OTOGL: variants seen among roughly 807,000 people sequenced by gnomAD.
OTOGL encodes the protein otogelin like, also known as otogelin-like protein.
OTOGL carries 285 observed loss-of-function variants against 318.5 expected under a neutral mutation model. That is an observed-to-expected ratio of 0.89 (90% CI 0.81 to 0.99). The LOEUF is 0.99. Among genes scored for constraint, OTOGL ranks in the 50% least tolerant of loss-of-function variants. The probability of loss-of-function intolerance (pLI) is 0.00; values close to 1 mark genes in which losing one functional copy is unlikely to be tolerated. For synonymous variants in OTOGL, 987 were observed against 936.5 expected, an observed-to-expected ratio of 1.05 and a Z score of -0.99; for missense variants, 2,899 against 2,845.6, an observed-to-expected ratio of 1.02 and a Z score of -0.43.
At chr12:80,205,588 A>G (rs1565899035) in intron 1 of OTOGL, among the ~76,000 whole-genome samples, 1 of 152,234 alleles carries the variant, frequency 6.6e-6, no homozygotes, top group Non-Finnish European at 1.5e-5. Context: ...TTGTAATAAG[A>G]CAGTTACATT....
Position 80,336,575 on chromosome 12 carries a change from T to C in OTOGL, c.4743+20T>C, listed in dbSNP as rs1363588667. On this transcript the variant is annotated intron_variant, in intron 40 of 58. Coordinates refer to ENST00000547103, the MANE Select transcript of OTOGL (RefSeq NM_001378609.3). ...AATCAGGTGGGTCATAATTTATTTT[T>C]GCAGTCATTTCATCATAAATCTATA... The C allele has an allele frequency of 6.3e-7, 1 of 1,594,282 alleles. No individual in the cohort carries two copies. Among genetic ancestry groups the C allele is most frequent in the Non-Finnish European group, 8.6e-7 (1 of 1,166,750 alleles).
At chr12:80,219,340 G>A (rs1365087608) in intron 5 of OTOGL, among the ~76,000 whole-genome samples, 2 of 152,194 alleles carry the variant, frequency 1.3e-5, no homozygotes, top group African/African-American at 2.4e-5. Context: ...TCGAACTCCT[G>A]ACCTCAAATG....
At chr12:80,186,720 G>T (rs1875319067) in intron 1 of OTOGL, among the ~76,000 whole-genome samples, 1 of 151,880 alleles carries the variant, frequency 6.6e-6, no homozygotes, top group Non-Finnish European at 1.5e-5. Context: ...GTTTGGGGAG[G>T]TCTTATTAAT....
chr12:80,167,874 T>G (rs1160522875), intron 1 of OTOGL, among the ~76,000 whole-genome samples: 1 of 152,066 alleles, frequency 6.6e-6, no homozygotes, highest in Non-Finnish European at 1.5e-5. Flanking sequence ...TACACTCTAG[T>G]CACTTGAGAA....
intron 7 of OTOGL, 141 bp downstream of exon 7, chr12:80,222,386 C>T (rs1044830812): frequency 3.0e-5 from 26 of 876,688 alleles, no homozygotes; most frequent in South Asian, 1.7e-4. Context: ...GGTTCAGTTA[C>T]GAACCATATT....
chr12:80,294,652 C>T (rs189955713), intron 26 of OTOGL, among the ~76,000 whole-genome samples: 2 of 152,112 alleles, frequency 1.3e-5, no homozygotes, highest in Non-Finnish European at 2.9e-5. Flanking sequence ...TCCATCTATA[C>T]CATTCATTAA....
chr12:80,108,844 A>G (rs1275719958), intron 1 of OTOGL, among the ~76,000 whole-genome samples: 3 of 74,694 alleles, frequency 4.0e-5, no homozygotes, highest in African/African-American at 6.8e-5. Flanking sequence ...TTGTATATAT[A>G]TGTGTATATA....
intron 24 of OTOGL, among the ~76,000 whole-genome samples, chr12:80,272,914 A>G (rs1184009091): frequency 6.6e-6 from 1 of 152,266 alleles, no homozygotes; most frequent in East Asian, 1.9e-4. Context: ...CAAGAAAGAC[A>G]TTTTAGTAAA....
Position 80,310,742 on chromosome 12 carries a change from T to C in OTOGL, c.3450+15T>C, listed in dbSNP as rs778988511. 7 of 1,517,706 alleles carry C rather than the reference T, an allele frequency of 4.6e-6. No individual in the cohort carries two copies. The Admixed American group carries it at 6.7e-5, about 15-fold the overall frequency. The allele number at this position is 1,517,706 out of a possible 1,614,324, so 94.0% of individuals were successfully genotyped here. A position where few individuals can be genotyped will look rare whatever the true frequency, so the allele number is the denominator to read the frequency against. The stretch of plus-strand genomic sequence containing the variant: ...GTCGCAATGTGGTAAATGAATACTT[T>C]AATGAACTCTCGAGTTTCAATATGT... On this transcript the variant is annotated intron_variant, in intron 30 of 58. Coordinates refer to ENST00000547103, the MANE Select transcript of OTOGL (RefSeq NM_001378609.3).
At chr12:80,368,410 A>G (rs1890687942) in intron 55 of OTOGL, 101 bp downstream of exon 55, 1 of 678,420 alleles carries the variant, frequency 1.5e-6, no homozygotes, top group South Asian at 2.0e-5. Flanking sequence ...TGCACTGCAT[A>G]CAATAAACAC....
At chr12:80,197,648 A>C (rs1381975973) in intron 1 of OTOGL, among the ~76,000 whole-genome samples, 1 of 152,208 alleles carries the variant, frequency 6.6e-6, no homozygotes, top group Non-Finnish European at 1.5e-5. Flanking sequence ...AGGCCCTCTT[A>C]CAGCTCTGAA....
chr12:80,209,617 A>G, intron 2 of OTOGL, 107 bp downstream of exon 2: 1 of 648,200 alleles, frequency 1.5e-6, no homozygotes, highest in Non-Finnish European at 2.5e-6. Context: ...CATTAGAATG[A>G]ATTGTACTAA....
intron 1 of OTOGL, among the ~76,000 whole-genome samples, chr12:80,199,034 T>G (rs764120509): frequency 6.6e-6 from 1 of 152,232 alleles, no homozygotes; most frequent in Non-Finnish European, 1.5e-5. Context: ...TGTGTACATA[T>G]ATGCATGCAC....
intron 1 of OTOGL, among the ~76,000 whole-genome samples, chr12:80,196,404 G>A (rs1046851510): frequency 6.6e-6 from 1 of 152,156 alleles, no homozygotes; most frequent in African/African-American, 2.4e-5. Flanking sequence ...GCTACACTAA[G>A]ATGTACAATG....
At chr12:80,264,471 C>T (rs896646891) in intron 19 of OTOGL, among the ~76,000 whole-genome samples, 2 of 152,160 alleles carry the variant, frequency 1.3e-5, no homozygotes, top group Non-Finnish European at 2.9e-5. Flanking sequence ...CTAATATCTG[C>T]CAGACATTGT....
At chr12:80,244,107 T>C (rs1032087406) in intron 11 of OTOGL, among the ~76,000 whole-genome samples, 2 of 151,312 alleles carry the variant, frequency 1.3e-5, no homozygotes, top group African/African-American at 4.8e-5. Flanking sequence ...TGCTAGTCTG[T>C]GCCACTAATG....
intron 57 of OTOGL, among the ~76,000 whole-genome samples, chr12:80,375,605 G>A (rs1208621011): frequency 6.6e-6 from 1 of 152,150 alleles, no homozygotes; most frequent in Non-Finnish European, 1.5e-5. Flanking sequence ...CATTTGAGTA[G>A]AGACTGAGTG....
chr12:80,305,103 A>T (rs1387847859), intron 28 of OTOGL, among the ~76,000 whole-genome samples: 1 of 152,148 alleles, frequency 6.6e-6, no homozygotes, highest in Non-Finnish European at 1.5e-5. Context: ...AGGCAATATG[A>T]TATATTCCAA....
At chr12:80,200,029 A>C (rs1876350388) in intron 1 of OTOGL, among the ~76,000 whole-genome samples, 1 of 152,198 alleles carries the variant, frequency 6.6e-6, no homozygotes, top group Non-Finnish European at 1.5e-5. Flanking sequence ...CATCAGGAAA[A>C]GGAGATGACC....
Sources: gnomAD v4.1 joint callset for allele counts (sites outside exome capture counted in the v4.1 genomes callset) on GRCh38, gnomAD v4.1.1 for gene constraint, MANE v1.5 for transcripts, NCBI Gene and HGNC (gene_info 2026-07-23, HGNC 2026-07-21) for gene names.